The following PARD6G variants were observed in gnomAD, a reference collection of about 807,000 sequenced individuals.
PARD6G encodes the protein partitioning defective 6 homolog gamma.
PARD6G carries 7 observed loss-of-function variants against 10.7 expected under a neutral mutation model. The ratio of observed to expected loss-of-function variants is 0.66; its 90% CI spans 0.37 to 1.23. PARD6G has a LOEUF of 1.23. Ranked by LOEUF, PARD6G falls within the 50% of genes most tolerant of loss-of-function variation. The pLI is 0.02. For missense variants in PARD6G, 548 were observed against 571.8 expected, an observed-to-expected ratio of 0.96 and a Z score of 0.42; for synonymous variants, 287 against 269.4, an observed-to-expected ratio of 1.07 and a Z score of -0.64.
intron 2 of PARD6G, among the ~76,000 whole-genome samples, chr18:80,186,453 G>A (rs564598809): frequency 3.9e-4 from 42 of 106,348 alleles, no homozygotes; most frequent in African/African-American, 1.7e-3. Context: ...ACCCACACAC[G>A]CATACACCCT....
chr18:80,185,382 C>G (rs931725003), intron 2 of PARD6G, among the ~76,000 whole-genome samples: 3 of 152,116 alleles, frequency 2.0e-5, no homozygotes, highest in African/African-American at 7.2e-5. Context: ...TCAAGCCATC[C>G]TCCTGCCTCA....
intron 1 of PARD6G, among the ~76,000 whole-genome samples, chr18:80,216,165 T>TC (rs1216466168): frequency 6.6e-6 from 1 of 152,132 alleles, no homozygotes; most frequent in Non-Finnish European, 1.5e-5. Flanking sequence ...AATGAACAGT[T>TC]CAACAATAAA....
intron 2 of PARD6G, among the ~76,000 whole-genome samples, chr18:80,187,512 G>C (rs2052886473): frequency 6.6e-6 from 1 of 152,220 alleles, no homozygotes; most frequent in Non-Finnish European, 1.5e-5. Flanking sequence ...GTTCCGGTTA[G>C]ATTTAGTTGT....
chr18:80,177,768 C>T (rs1185280403), intron 2 of PARD6G, among the ~76,000 whole-genome samples: 3 of 151,148 alleles, frequency 2.0e-5, no homozygotes, highest in African/African-American at 7.3e-5. Context: ...CACGCACCCA[C>T]GAGATAAATC....
At chr18:80,163,585 G>A (rs775732378) in intron 2 of PARD6G, among the ~76,000 whole-genome samples, 11 of 152,174 alleles carry the variant, frequency 7.2e-5, no homozygotes, top group Non-Finnish European at 1.6e-4. Flanking sequence ...ACCTGTCTGC[G>A]TCACAAGGGC....
intron 1 of PARD6G, among the ~76,000 whole-genome samples, chr18:80,215,551 GT>G (rs1318857484): frequency 6.6e-6 from 1 of 152,134 alleles, no homozygotes; most frequent in East Asian, 1.9e-4. Flanking sequence ...TTGAAATTAA[GT>G]TGGTATCAAT....
intron 1 of PARD6G, among the ~76,000 whole-genome samples, chr18:80,224,717 G>T (rs1255646015): frequency 2.0e-5 from 3 of 152,076 alleles, no homozygotes; most frequent in Admixed American, 2.0e-4. Context: ...CGTGATGGCG[G>T]GCGCCTGTAG....
chr18:80,223,732 A>ACCCCGAGG (rs1967256741), intron 1 of PARD6G, among the ~76,000 whole-genome samples: 1 of 152,198 alleles, frequency 6.6e-6, no homozygotes, highest in Non-Finnish European at 1.5e-5. Context: ...AAACATGACA[A>ACCCCGAGG]CCCCGAGGAC....
chr18:80,217,496 C>T (rs1967181989), intron 1 of PARD6G, among the ~76,000 whole-genome samples: 1 of 152,208 alleles, frequency 6.6e-6, no homozygotes, highest in Non-Finnish European at 1.5e-5. Context: ...CCAAGATCAA[C>T]ATCCACAATA....
rs936947670 is a variant in PARD6G at position 80,244,262 on chromosome 18, G to C, written c.72+3015C>G. Among the ~76,000 whole-genome samples the C allele has an allele frequency of 3.9e-5, 6 of 152,270 alleles. No individual in the cohort carries two copies. The East Asian group carries it at 7.7e-4, about 20-fold the overall frequency. On this transcript the variant is annotated intron_variant, in intron 1 of 2. Coordinates refer to ENST00000353265, the MANE Select transcript of PARD6G (RefSeq NM_032510.4). ...CAAAGTCGAAGCTAAGTGGGAAAAGGGTGGTCCCATGAACAGAACTAGGGA... is the reference window on the plus strand; with the variant it reads ...CAAAGTCGAAGCTAAGTGGGAAAAGCGTGGTCCCATGAACAGAACTAGGGA...
chr18:80,160,324 A>C lies in PARD6G; in HGVS notation c.578T>G (p.Ile193Ser), dbSNP rs1259334525. The change falls in exon 3 of 3, where the codon ATC becomes AGC. Residue 193 changes from isoleucine (I) to serine (S), a missense_variant. Physicochemically the swap from Ile to Ser is moderately radical, Grantham distance 142. This residue lies in a region of PARD6G where 235 missense variants were observed against 291.9 expected (regional missense o/e 0.81). Coordinates refer to ENST00000353265, the MANE Select transcript of PARD6G (RefSeq NM_032510.4). ...CCCGGGTACCATGCGCGAGATGAAG[A>C]TGCCGGGCACCTTCTCCAGCCCGTG... ...TPHGLEKVPG[I>S]FISRMVPGGL... 6.2e-7 allele frequency: 1 copy of C among 1,612,052 alleles called. No homozygotes were observed. Among genetic ancestry groups the C allele is most frequent in the South Asian group, 1.1e-5 (1 of 91,084 alleles).
At position 80,193,742 on chromosome 18, in the gene PARD6G, C is replaced by T. The variant is rs1020848482; in HGVS notation, c.295+8968G>A. Among the ~76,000 whole-genome samples, 3 of 152,176 alleles carry T rather than the reference C, an allele frequency of 2.0e-5. No individual in the cohort carries two copies. The East Asian group carries it at 5.8e-4, about 29-fold the overall frequency. ...CTTTGCTCCACCCAGCATGTGGCTCCGAGTGGAACTGCTGAGGAGTGCTGG... is the reference window on the plus strand; with the variant it reads ...CTTTGCTCCACCCAGCATGTGGCTCTGAGTGGAACTGCTGAGGAGTGCTGG... On this transcript the variant is annotated intron_variant, in intron 2 of 2. Transcript: ENST00000353265.
intron 2 of PARD6G, among the ~76,000 whole-genome samples, chr18:80,174,683 G>A (rs935126821): frequency 1.2e-4 from 19 of 152,124 alleles, no homozygotes; most frequent in African/African-American, 3.6e-4. Context: ...GGCTGGGTGC[G>A]GTGGCTCACG....
intron 2 of PARD6G, among the ~76,000 whole-genome samples, chr18:80,176,308 T>C (rs2145257123): frequency 6.6e-6 from 1 of 152,268 alleles, no homozygotes; most frequent in African/African-American, 2.4e-5. Flanking sequence ...CTGAAAGAGC[T>C]CAACCCACTA....
intron 2 of PARD6G, among the ~76,000 whole-genome samples, chr18:80,174,721 G>A (rs2052797909): frequency 1.3e-5 from 2 of 151,978 alleles, no homozygotes; most frequent in Non-Finnish European, 2.9e-5. Context: ...TTGGGAGGCC[G>A]AGGCGGGCGG....
At position 80,160,528 on chromosome 18, in the gene PARD6G, C is replaced by A. The variant is rs756087874; in HGVS notation, c.374G>T (p.Gly125Val). 1.1e-5 allele frequency: 17 copies of A among 1,514,354 alleles called. No individual in the cohort carries two copies. The highest frequency in any genetic ancestry group is 1.4e-5 in the Non-Finnish European group (16 of 1,132,294). 93.8% of individuals were successfully genotyped at this position (1,514,354 alleles called of 1,614,324 possible). ...GTCCAGGTGTGCACGCCGCCGGGGT[C>A]CTTCATCACGCAGCGCGCCCAGCGC... Reference protein sequence around the residue: ...RRALGALRDEGPRRRAHLDIG... With the variant: ...RRALGALRDEVPRRRAHLDIG... The change falls in exon 3 of 3, where the codon GGA becomes GTA. Residue 125 changes from glycine (G) to valine (V), a missense_variant. Coordinates refer to ENST00000353265, the MANE Select transcript of PARD6G (RefSeq NM_032510.4).
chr18:80,226,240 G>A (rs1054486539), intron 1 of PARD6G, among the ~76,000 whole-genome samples: 1 of 129,650 alleles, frequency 7.7e-6, no homozygotes, highest in Non-Finnish European at 1.6e-5. Flanking sequence ...GTGTGATCTT[G>A]GCTCACCGCA....
chr18:80,221,738 GGAA>G (rs1967232726), intron 1 of PARD6G, among the ~76,000 whole-genome samples: 1 of 152,194 alleles, frequency 6.6e-6, no homozygotes. Context: ...AGATTGGAAT[GGAA>G]GAAGTTAAAA....
intron 1 of PARD6G, among the ~76,000 whole-genome samples, chr18:80,208,752 T>C (rs757933752): frequency 6.6e-6 from 1 of 151,610 alleles, no homozygotes; most frequent in East Asian, 1.9e-4. Flanking sequence ...AAAAAAAAAA[T>C]CAAATTTCCT....
Sources: gnomAD v4.1 joint callset for allele counts (sites outside exome capture counted in the v4.1 genomes callset) on GRCh38, gnomAD v4.1.1 for gene constraint, gnomAD v4.1.1 regional missense constraint, MANE v1.5 for transcripts, NCBI Gene and HGNC (gene_info 2026-07-23, HGNC 2026-07-21) for gene names.